TMEM167A: variants seen among roughly 807,000 people sequenced by gnomAD.
TMEM167A encodes the protein protein kish-A.
In TMEM167A, 8 loss-of-function variants were observed where a neutral mutation model predicts 11.6. That is an observed-to-expected ratio of 0.69 (90% confidence interval 0.40 to 1.24). TMEM167A has a LOEUF of 1.24. Among genes scored for constraint, TMEM167A ranks in the 50% most tolerant of loss-of-function variants. TMEM167A has a pLI of 0.01. For synonymous variants in TMEM167A, 22 were observed against 28.0 expected (o/e 0.79, Z 0.67); for missense variants, 62 against 87.0 (o/e 0.71, Z 1.14).
rs1744297314 is a variant in TMEM167A, at chr5:83,054,258, G to A, written c.*2826C>T. The stretch of plus-strand genomic sequence containing the variant: ...TAGAACAGGGATTAACAAGACACTG[G>A]ACTTGATCCTCAAATTATTTAAGCC... On this transcript the variant is annotated 3_prime_UTR_variant, in exon 4 of 4. Transcript: ENST00000502346. 6.6e-6 allele frequency: 1 copy of A among 151,908 alleles called. No individual in the cohort carries two copies. The highest frequency in any genetic ancestry group is 2.1e-4 in the South Asian group (1 of 4,824). The allele number at this position is 151,908 out of a possible 1,614,324, so 9.4% of individuals were successfully genotyped here.
intron 2 of TMEM167A, chr5:83,064,144 C>T: frequency 2.3e-6 from 1 of 432,128 alleles, no homozygotes. Context: ...AGCTTTCAAA[C>T]AGTTGACTGT....
chr5:83,062,681 TA>T (rs1198683954), intron 2 of TMEM167A, among the ~76,000 whole-genome samples: 1 of 151,966 alleles, frequency 6.6e-6, no homozygotes. Flanking sequence ...AGAGATATCT[TA>T]AAAAATAACA....
At chr5:83,071,069 C>T (rs531985169) in intron 1 of TMEM167A, among the ~76,000 whole-genome samples, 13 of 152,198 alleles carry the variant, frequency 8.5e-5, no homozygotes, top group African/African-American at 3.1e-4. Context: ...GGCTAGAGTG[C>T]TTAATGACTG....
rs1561300308 is a variant in TMEM167A at position 83,056,249 on chromosome 5, TA to T, written c.*834del. On this transcript the variant is annotated 3_prime_UTR_variant, in exon 4 of 4. Transcript: ENST00000502346. ...TACAGTTCCTTTACGGCAATTAAAA[TA>T]AATGTTTCATTTTTGAAGCCATGAC... The T allele has an allele frequency of 6.6e-6, 1 of 152,016 alleles. No homozygotes were observed. Among genetic ancestry groups the T allele is most frequent in the Non-Finnish European group, 1.5e-5 (1 of 67,920 alleles). The allele number at this position is 152,016 out of a possible 1,614,324, so 9.4% of individuals were successfully genotyped here.
At chr5:83,074,774 CTT>C (rs58381163) in intron 1 of TMEM167A, among the ~76,000 whole-genome samples, 30 of 147,364 alleles carry the variant, frequency 2.0e-4, no homozygotes, top group Non-Finnish European at 2.4e-4. Flanking sequence ...TCCCCAGACT[CTT>C]TTTTTTTTTT....
intron 1 of TMEM167A, among the ~76,000 whole-genome samples, 178 bp from the exon 2 acceptor site, chr5:83,065,295 C>T (rs577374070): frequency 6.6e-6 from 1 of 152,074 alleles, no homozygotes; most frequent in East Asian, 1.9e-4. Flanking sequence ...TCAAGCTCTG[C>T]CAATAGCTGG....
rs764150723 is a variant in TMEM167A, at chr5:83,057,065, A to G, written c.*19T>C. The G allele has an allele frequency of 1.2e-6, 2 of 1,609,148 alleles. No homozygotes were observed. Among genetic ancestry groups the G allele is most frequent in the South Asian group, 2.2e-5 (2 of 90,936 alleles). On this transcript the variant is annotated 3_prime_UTR_variant, in exon 4 of 4. Coordinates refer to ENST00000502346, the MANE Select transcript of TMEM167A (RefSeq NM_174909.5). ...CACAATCAAATCTGATGGCAACTACATTCTGGCATTTTCCCCAGCTACTGT... is the reference window on the plus strand; with the variant it reads ...CACAATCAAATCTGATGGCAACTACGTTCTGGCATTTTCCCCAGCTACTGT...
chr5:83,057,201 C>G (rs778338920), intron 3 of TMEM167A, 47 bp from the exon 4 acceptor site: 1 of 1,555,272 alleles, frequency 6.4e-7, no homozygotes, highest in African/African-American at 1.4e-5. Context: ...GAGTGGCTAA[C>G]CTGGCTATGA....
chr5:83,064,244 A>C (rs762689585), intron 2 of TMEM167A: 1 of 518,680 alleles, frequency 1.9e-6, no homozygotes. Context: ...CTTTACTAGA[A>C]GGTTGGCAGC....
chr5:83,067,777 T>A (rs1744505699), intron 1 of TMEM167A, among the ~76,000 whole-genome samples: 1 of 152,092 alleles, frequency 6.6e-6, no homozygotes, highest in Non-Finnish European at 1.5e-5. Flanking sequence ...CCTCCTAAAG[T>A]GCTGGGATTA....
chr5:83,068,739 A>C (rs534686347), intron 1 of TMEM167A, among the ~76,000 whole-genome samples: 2 of 152,326 alleles, frequency 1.3e-5, no homozygotes, highest in Admixed American at 1.3e-4. Context: ...TTCCTACAGT[A>C]AAATGGTTGG....
intron 1 of TMEM167A, among the ~76,000 whole-genome samples, chr5:83,071,187 T>G (rs1435548330): frequency 6.6e-6 from 1 of 152,144 alleles, no homozygotes; most frequent in Non-Finnish European, 1.5e-5. Context: ...ATTTGTTGAT[T>G]AAGGGGCTTA....
intron 3 of TMEM167A, among the ~76,000 whole-genome samples, chr5:83,060,831 CAAA>C (rs35024013): frequency 8.3e-6 from 1 of 120,136 alleles, no homozygotes; most frequent in Non-Finnish European, 1.7e-5. Context: ...ACTCCATCTC[CAAA>C]AAAAAAAAAA....
chr5:83,056,608 T>C lies in TMEM167A; in HGVS notation c.*476A>G, dbSNP rs1744335542. ...GAGGTACTCTGGTTAATGATCAAAA[T>C]GGTGTGCCCAGAGGAAAAGCAAGCA... On this transcript the variant is annotated 3_prime_UTR_variant, in exon 4 of 4. Coordinates refer to ENST00000502346, the MANE Select transcript of TMEM167A (RefSeq NM_174909.5). 1 of 167,860 alleles carries C rather than the reference T, an allele frequency of 6.0e-6. No homozygotes were observed. The highest frequency in any genetic ancestry group is 1.3e-5 in the Non-Finnish European group (1 of 79,042). 10.4% of individuals were successfully genotyped at this position (167,860 alleles called of 1,614,324 possible). A position where few individuals can be genotyped will look rare whatever the true frequency, so the allele number is the denominator to read the frequency against.
At chr5:83,069,949 A>C (rs79838036) in intron 1 of TMEM167A, among the ~76,000 whole-genome samples, 2,799 of 152,266 alleles carry the variant, frequency 0.018, 69 homozygotes, top group African/African-American at 0.062. Flanking sequence ...TCTTCAAGAG[A>C]AACCTCCATG....
At chr5:83,067,692 T>TA (rs1554050759) in intron 1 of TMEM167A, among the ~76,000 whole-genome samples, 1 of 151,914 alleles carries the variant, frequency 6.6e-6, no homozygotes, top group African/African-American at 2.4e-5. Context: ...TTTTTTTTTT[T>TA]AGTAGAGACA....
At chr5:83,074,097 A>C (rs1744602201) in intron 1 of TMEM167A, among the ~76,000 whole-genome samples, 1 of 152,214 alleles carries the variant, frequency 6.6e-6, no homozygotes, top group Admixed American at 6.5e-5. Flanking sequence ...ACATCATCAA[A>C]ATATAAAGTC....
chr5:83,056,959 TC>T lies in TMEM167A; in HGVS notation c.*124del. 1.2e-6 allele frequency: 1 copy of T among 828,450 alleles called. No homozygotes were observed. The highest frequency in any genetic ancestry group is 2.0e-5 in the Admixed American group (1 of 50,326). 51.3% of individuals were successfully genotyped at this position (828,450 alleles called of 1,614,324 possible). ...AATAACATTAAAATAGAGAACAGCA[TC>T]TGGAAATTTATCTCATTCAATGTTC... On this transcript the variant is annotated 3_prime_UTR_variant, in exon 4 of 4. Transcript: ENST00000502346.
intron 2 of TMEM167A, among the ~76,000 whole-genome samples, chr5:83,063,994 T>G (rs895724558): frequency 1.3e-5 from 2 of 152,058 alleles, no homozygotes; most frequent in African/African-American, 4.8e-5. Context: ...AATAAAAGAT[T>G]ACGAGTCTCA....
Sources: gnomAD v4.1 joint callset for allele counts (sites outside exome capture counted in the v4.1 genomes callset) on GRCh38, gnomAD v4.1.1 for gene constraint, MANE v1.5 for transcripts, NCBI Gene and HGNC (gene_info 2026-07-23, HGNC 2026-07-21) for gene names.